TTC29: variants seen among roughly 807,000 people sequenced by gnomAD.
TTC29 encodes the protein tetratricopeptide repeat protein 29.
Under a neutral mutation model 58.1 loss-of-function variants are expected in TTC29, and 49 were observed. The observed-to-expected ratio is 0.84, with a 90% CI of 0.67 to 1.07. The LOEUF is 1.07. Ranked by LOEUF, TTC29 falls within the 50% of genes least tolerant of loss-of-function variation. The pLI is 0.00. For missense variants in TTC29, 582 were observed against 555.6 expected, an observed-to-expected ratio of 1.05 and a Z score of -0.48; for synonymous variants, 209 against 196.8, an observed-to-expected ratio of 1.06 and a Z score of -0.52.
intron 11 of TTC29, among the ~76,000 whole-genome samples, chr4:146,797,246 A>G (rs1749892966): frequency 6.6e-6 from 1 of 152,180 alleles, no homozygotes; most frequent in Non-Finnish European, 1.5e-5. Context: ...TTTGTTATAA[A>G]CCCTACAATG....
intron 6 of TTC29, among the ~76,000 whole-genome samples, chr4:146,895,550 T>A (rs1236006575): frequency 6.6e-6 from 1 of 151,972 alleles, no homozygotes; most frequent in African/African-American, 2.4e-5. Context: ...TCAAGGAGGG[T>A]GATCTTTGAA....
intron 8 of TTC29, among the ~76,000 whole-genome samples, chr4:146,855,396 G>A (rs1729779519): frequency 7.0e-6 from 1 of 142,506 alleles, no homozygotes; most frequent in Non-Finnish European, 1.5e-5. Flanking sequence ...TTTCGCCACT[G>A]CACTCCAGCC....
chr4:146,782,575 C>T (rs991305264), intron 11 of TTC29, among the ~76,000 whole-genome samples: 1 of 151,784 alleles, frequency 6.6e-6, no homozygotes, highest in South Asian at 2.1e-4. Flanking sequence ...ATACTTAGCT[C>T]ATTGTTTTTG....
intron 6 of TTC29, among the ~76,000 whole-genome samples, chr4:146,887,404 C>T (rs6812864): frequency 0.47 from 71,502 of 151,644 alleles, 17,653 homozygotes; most frequent in African/African-American, 0.6. Context: ...TAAATGTTAC[C>T]GTTAAATCAG....
At chr4:146,823,963 CT>C (rs2150145149) in intron 9 of TTC29, among the ~76,000 whole-genome samples, 1 of 152,252 alleles carries the variant, frequency 6.6e-6, no homozygotes, top group African/African-American at 2.4e-5. Flanking sequence ...TATCCTGAGA[CT>C]TTGTTGAAGT....
At chr4:146,818,362 T>A (rs1245310035) in intron 10 of TTC29, among the ~76,000 whole-genome samples, 3 of 152,152 alleles carry the variant, frequency 2.0e-5, no homozygotes, top group Admixed American at 2.0e-4. Flanking sequence ...ATCAGACAAA[T>A]GCAAATCAAA....
At chr4:146,712,016 T>C (rs1257657052) in intron 11 of TTC29, among the ~76,000 whole-genome samples, 1 of 151,888 alleles carries the variant, frequency 6.6e-6, no homozygotes, top group Non-Finnish European at 1.5e-5. Flanking sequence ...AATAAATAAA[T>C]AAATAAATAA....
intron 4 of TTC29, among the ~76,000 whole-genome samples, chr4:146,915,684 A>C (rs1362287065): frequency 1.3e-5 from 2 of 152,056 alleles, no homozygotes; most frequent in Non-Finnish European, 2.9e-5. Context: ...AAAACCACCT[A>C]AGTAGGTCTT....
intron 11 of TTC29, among the ~76,000 whole-genome samples, chr4:146,745,649 G>A (rs1387044434): frequency 6.6e-6 from 1 of 152,182 alleles, no homozygotes; most frequent in Non-Finnish European, 1.5e-5. Context: ...CACAATATTT[G>A]TGACTTTAGA....
chr4:146,839,535 C>T (rs1728717702), intron 8 of TTC29, among the ~76,000 whole-genome samples: 1 of 140,496 alleles, frequency 7.1e-6, no homozygotes, highest in African/African-American at 2.6e-5. Flanking sequence ...TACATGAACT[C>T]GTGTGTGTGT....
chr4:146,769,931 C>T (rs529514946), intron 11 of TTC29, among the ~76,000 whole-genome samples: 22 of 152,148 alleles, frequency 1.4e-4, no homozygotes, highest in African/African-American at 5.1e-4. Context: ...TTTGTTACAA[C>T]TCCCCTTAAG....
At chr4:146,895,845 G>C (rs1732731503) in intron 6 of TTC29, among the ~76,000 whole-genome samples, 1 of 151,678 alleles carries the variant, frequency 6.6e-6, no homozygotes, top group Admixed American at 6.6e-5. Flanking sequence ...TTGTTTTGAA[G>C]GTCTTTCTCA....
chr4:146,761,380 C>A (rs2150062349), intron 11 of TTC29, among the ~76,000 whole-genome samples: 1 of 151,910 alleles, frequency 6.6e-6, no homozygotes, highest in Middle Eastern at 3.4e-3. Context: ...TTAAAGAACA[C>A]AAGGGCATAA....
In TTC29 at chr4:146,945,833, CCGCCGGAGCGGAGACAGGGGA is replaced by C. The variant is rs1189889541; in HGVS notation, c.-199_-179del. 6.6e-6 allele frequency: 1 copy of C among 152,334 alleles called. No individual in the cohort carries two copies. The highest frequency in any genetic ancestry group is 2.4e-5 in the African/African-American group (1 of 41,464). The allele number at this position is 152,334 out of a possible 1,614,324, so 9.4% of individuals were successfully genotyped here. ...CTCTCAGTGATTCCGAAGCCTGGCT[CCGCCGGAGCGGAGACAGGGGA>C]CGCCGAGAGCGTCTCCACGGAAACA... On this transcript the variant is annotated 5_prime_UTR_variant, in exon 1 of 13. Coordinates refer to ENST00000325106, the MANE Select transcript of TTC29 (RefSeq NM_031956.4).
rs563838588 is a variant in TTC29, at chr4:146,852,604, A to G, written c.885+14894T>C. 4.6e-5 allele frequency among the ~76,000 whole-genome samples: 7 copies of G among 152,320 alleles called. No individual in the cohort carries two copies. In the South Asian group the frequency reaches 8.3e-4, roughly 18 times the overall value. Reference sequence around the variant, plus strand: ...CTTTACTCTTGCTGCTCCTGCTCCAATGAGGGAACAACAGCTTCCCTGTTG... The same window carrying G: ...CTTTACTCTTGCTGCTCCTGCTCCAGTGAGGGAACAACAGCTTCCCTGTTG... On this transcript the variant is annotated intron_variant, in intron 8 of 12. Transcript: ENST00000325106.
intron 8 of TTC29, among the ~76,000 whole-genome samples, chr4:146,861,970 T>C (rs1355458507): frequency 6.6e-6 from 1 of 152,018 alleles, no homozygotes; most frequent in African/African-American, 2.4e-5. Context: ...AAAGATAGAC[T>C]GAATACGAAA....
chr4:146,831,025 T>C (rs1027120647), intron 9 of TTC29, among the ~76,000 whole-genome samples: 18 of 152,168 alleles, frequency 1.2e-4, no homozygotes, highest in African/African-American at 4.3e-4. Flanking sequence ...AAATAATATG[T>C]GGAGGCTTGC....
intron 4 of TTC29, among the ~76,000 whole-genome samples, chr4:146,918,761 T>G (rs1734396159): frequency 6.6e-6 from 1 of 151,150 alleles, no homozygotes; most frequent in African/African-American, 2.4e-5. Context: ...GTACAGTAAT[T>G]GTTATCAACC....
chr4:146,838,756 G>A (rs1038367589), intron 8 of TTC29, among the ~76,000 whole-genome samples: 3 of 151,922 alleles, frequency 2.0e-5, no homozygotes, highest in African/African-American at 7.2e-5. Context: ...CTGCCTGAAG[G>A]AACAACTGTA....
Sources: gnomAD v4.1 joint callset for allele counts (sites outside exome capture counted in the v4.1 genomes callset) on GRCh38, gnomAD v4.1.1 for gene constraint, MANE v1.5 for transcripts, NCBI Gene and HGNC (gene_info 2026-07-23, HGNC 2026-07-21) for gene names.